Variants in MEF2A observed in about 807,000 individuals in gnomAD.
MEF2A encodes myocyte enhancer factor 2A, also known as myocyte-specific enhancer factor 2A.
In MEF2A, 28 loss-of-function variants were observed where a neutral mutation model predicts 55.8. The observed-to-expected ratio is 0.50, with a 90% CI of 0.37 to 0.69. The LOEUF is 0.69. Among genes scored for constraint, MEF2A ranks in the 30% least tolerant of loss-of-function variants. The pLI is 0.00. For synonymous variants in MEF2A, 239 were observed against 227.1 expected, an observed-to-expected ratio of 1.05 and a Z score of -0.47; for missense variants, 528 against 626.2, an observed-to-expected ratio of 0.84 and a Z score of 1.67.
intron 11 of MEF2A, among the ~76,000 whole-genome samples, chr15:99,711,156 C>T (rs778469017): frequency 3.9e-5 from 6 of 152,342 alleles, no homozygotes; most frequent in Non-Finnish European, 7.4e-5. Context: ...GCTTGAAAGG[C>T]AGCCTGTAGG....
At chr15:99,630,872 C>A (rs2042839683) in intron 2 of MEF2A, among the ~76,000 whole-genome samples, 1 of 152,140 alleles carries the variant, frequency 6.6e-6, no homozygotes, top group Non-Finnish European at 1.5e-5. Flanking sequence ...CCTTGGCAGA[C>A]CCTAAATCCA....
chr15:99,681,412 G>A (rs1008937997), intron 7 of MEF2A, among the ~76,000 whole-genome samples: 1 of 152,150 alleles, frequency 6.6e-6, no homozygotes, highest in African/African-American at 2.4e-5. Flanking sequence ...AGCATGTCTG[G>A]GTGAAAGTGG....
At chr15:99,629,353 G>A (rs553083923) in intron 2 of MEF2A, among the ~76,000 whole-genome samples, 60 of 152,366 alleles carry the variant, frequency 3.9e-4, no homozygotes, top group Admixed American at 3.9e-3. Context: ...CAGTCGCCAT[G>A]AGAGCACACC....
At chr15:99,601,506 CAG>C (rs1423575136) in intron 2 of MEF2A, among the ~76,000 whole-genome samples, 26 of 136,896 alleles carry the variant, frequency 1.9e-4, no homozygotes, top group Admixed American at 1.4e-3. Flanking sequence ...AGGTCTTGGT[CAG>C]AGTTTTTTTT....
chr15:99,646,349 C>T (rs1222825182), intron 4 of MEF2A, among the ~76,000 whole-genome samples: 2 of 152,016 alleles, frequency 1.3e-5, no homozygotes, highest in African/African-American at 4.8e-5. Context: ...TACAATAAAA[C>T]CTTCAAAATG....
intron 3 of MEF2A, among the ~76,000 whole-genome samples, chr15:99,633,641 A>G (rs2043282405): frequency 1.3e-5 from 2 of 152,184 alleles, no homozygotes; most frequent in South Asian, 2.1e-4. Flanking sequence ...ACTTATTGCA[A>G]ATATTTTTAA....
intron 8 of MEF2A, among the ~76,000 whole-genome samples, chr15:99,699,958 G>GTGTGTGTT (rs2057132966): frequency 1.2e-5 from 1 of 84,756 alleles, no homozygotes; most frequent in African/African-American, 3.7e-5. Context: ...TTATATGTGT[G>GTGTGTGTT]TGTGTGTGTG....
chr15:99,668,331 T>C (rs942884508), intron 4 of MEF2A, among the ~76,000 whole-genome samples: 3 of 152,242 alleles, frequency 2.0e-5, no homozygotes, highest in African/African-American at 7.2e-5. Flanking sequence ...AATATTGATC[T>C]TTATAGCAGC....
At chr15:99,637,597 A>G (rs1027805849) in intron 3 of MEF2A, among the ~76,000 whole-genome samples, 42 of 151,008 alleles carry the variant, frequency 2.8e-4, no homozygotes, top group African/African-American at 1.0e-3. Context: ...ATGTGTCAGC[A>G]TTCTAAGTTT....
At chr15:99,708,755 C>G (rs187852984) in intron 10 of MEF2A, among the ~76,000 whole-genome samples, 1 of 152,326 alleles carries the variant, frequency 6.6e-6, no homozygotes, top group East Asian at 1.9e-4. Context: ...TAAGCTGCTG[C>G]AGTTGTGTCA....
chr15:99,565,699 C>T (rs1172782494), upstream of MEF2A: 1 of 152,378 alleles, frequency 6.6e-6, no homozygotes, highest in East Asian at 1.9e-4. Flanking sequence ...CCCGGAAAAA[C>T]ATAGTCCGCC....
chr15:99,640,972 A>G (rs756323563), intron 3 of MEF2A, among the ~76,000 whole-genome samples: 18 of 152,064 alleles, frequency 1.2e-4, no homozygotes, highest in Non-Finnish European at 1.9e-4. Flanking sequence ...AGTTTGATCC[A>G]TCTCTTAACC....
intron 2 of MEF2A, among the ~76,000 whole-genome samples, chr15:99,621,821 G>T (rs568740266): frequency 6.6e-6 from 1 of 152,196 alleles, no homozygotes; most frequent in East Asian, 1.9e-4. Context: ...GTTGTTGATT[G>T]TACATAATCA....
At chr15:99,609,366 TGTGA>T (rs905175619) in intron 2 of MEF2A, among the ~76,000 whole-genome samples, 5 of 152,204 alleles carry the variant, frequency 3.3e-5, no homozygotes, top group African/African-American at 7.2e-5. Context: ...ATAAAATTAG[TGTGA>T]GTATTTGTAG....
chr15:99,693,745 G>T (rs536704900), intron 8 of MEF2A, among the ~76,000 whole-genome samples: 1 of 152,236 alleles, frequency 6.6e-6, no homozygotes, highest in Admixed American at 6.5e-5. Flanking sequence ...GTTAAAGGAA[G>T]CCCTTCAGCA....
chr15:99,699,153 C>T lies in MEF2A; in HGVS notation c.859-4209C>T, dbSNP rs115654722. Among the ~76,000 whole-genome samples the T allele has an allele frequency of 3.4e-3, 511 of 152,052 alleles. 2 individuals carry two copies. Among genetic ancestry groups the T allele is most frequent in the African/African-American group, 0.012 (487 of 41,486 alleles). On this transcript the variant is annotated intron_variant, in intron 8 of 11. Coordinates refer to ENST00000557942, the MANE Select transcript of MEF2A (RefSeq NM_001319206.4). ...AATTGAAAACTATACTTATAAGAAA[C>T]CCGTATCTTTCATAATTGTGAAACA...
intron 2 of MEF2A, among the ~76,000 whole-genome samples, chr15:99,630,883 A>G (rs891039338): frequency 1.3e-5 from 2 of 152,064 alleles, no homozygotes; most frequent in Admixed American, 1.3e-4. Flanking sequence ...CCTAAATCCA[A>G]GTTTTGTATG....
At chr15:99,600,009 T>A (rs954764790) in intron 2 of MEF2A, among the ~76,000 whole-genome samples, 1 of 152,160 alleles carries the variant, frequency 6.6e-6, no homozygotes, top group East Asian at 1.9e-4. Flanking sequence ...CCTAGGATTT[T>A]GGTATCCATG....
chr15:99,671,907 G>A (rs75877673), intron 5 of MEF2A, among the ~76,000 whole-genome samples: 4,827 of 152,242 alleles, frequency 0.032, 117 homozygotes, highest in Non-Finnish European at 0.054. Flanking sequence ...AATACCTTTG[G>A]ATAGGGCACC....
Sources: allele counts gnomAD v4.1 joint callset (sites outside exome capture counted in the v4.1 genomes callset), GRCh38; gene constraint gnomAD v4.1.1; transcripts MANE v1.5; gene names NCBI Gene and HGNC (gene_info 2026-07-23, HGNC 2026-07-21).